Variants in NCOR2 observed in about 807,000 individuals in gnomAD.
The protein encoded by NCOR2 is CTG repeat protein 26.
NCOR2 carries 81 observed loss-of-function variants against 262.9 expected under a neutral mutation model. That is an observed-to-expected ratio of 0.31 (90% CI 0.26 to 0.37). NCOR2 has a LOEUF of 0.37. Among genes scored for constraint, NCOR2 ranks in the 10% least tolerant of loss-of-function variants. The pLI, the probability that NCOR2 is intolerant of heterozygous loss-of-function variation, is 1.00. For missense variants in NCOR2, 3,385 were observed against 3,621.4 expected (o/e 0.93, Z 1.68); for synonymous variants, 1,659 against 1,559.3 (o/e 1.06, Z -1.51).
chr12:124,344,596 C>T lies in NCOR2; in HGVS notation c.4714+1G>A. ...CTCACGCCCATGCACACCCCACTCA[C>T]CCTCCTGCAGGCGCGGCGTGGGCTC... On this transcript the variant is annotated splice_donor_variant, in intron 32 of 46. Coordinates refer to ENST00000405201, the Ensembl canonical transcript of NCOR2. LOFTEE classifies it high-confidence loss of function. 1 of 1,449,562 alleles carries T rather than the reference C, an allele frequency of 6.9e-7. No individual in the cohort carries two copies. 89.8% of individuals were successfully genotyped at this position (1,449,562 alleles called of 1,614,324 possible). A position where few individuals can be genotyped will look rare whatever the true frequency, so the allele number is the denominator to read the frequency against.
At chr12:124,560,602 C>A (rs987017656) in intron 1 of NCOR2, among the ~76,000 whole-genome samples, 1 of 152,156 alleles carries the variant, frequency 6.6e-6, no homozygotes, top group Non-Finnish European at 1.5e-5. Flanking sequence ...GAAAATCAAA[C>A]CTGAATATAT....
At chr12:124,403,177 C>T (rs576437273) in intron 13 of NCOR2, among the ~76,000 whole-genome samples, 1 of 152,242 alleles carries the variant, frequency 6.6e-6, no homozygotes, top group South Asian at 2.1e-4. Flanking sequence ...GTCTGTAAAA[C>T]GGGGAGGTGG....
Position 124,378,094 on chromosome 12 carries a change from C to T in NCOR2, c.2167+143G>A, listed in dbSNP as rs1359385719. On this transcript the variant is annotated intron_variant, in intron 18 of 46. Transcript: ENST00000405201. The surrounding 1 kb of genome is among the most constrained non-coding windows in gnomAD (Gnocchi z 4.2). ...GAGTTTCTGGCAAGTCAGGCCCGCA[C>T]CTTCCAGGGAGTCGAGGCCCCTTCT... is the stretch of plus-strand genomic sequence containing the variant. 3 of 1,485,524 alleles carry T rather than the reference C, an allele frequency of 2.0e-6. No homozygotes were observed. Among genetic ancestry groups the T allele is most frequent in the Non-Finnish European group, 2.7e-6 (3 of 1,118,554 alleles). 92.0% of individuals were successfully genotyped at this position (1,485,524 alleles called of 1,614,324 possible).
rs1219453300 is a variant in NCOR2 at position 124,378,172 on chromosome 12, C to G, written c.2167+65G>C. The stretch of plus-strand genomic sequence containing the variant: ...AGGAGGCTGCCGGGATCAGTTCCCG[C>G]TATGCCCTCCCTCAGAGCTCGGACC... On this transcript the variant is annotated intron_variant, in intron 18 of 46. Transcript: ENST00000405201. This position sits in a 1 kb window ranked among gnomAD's most constrained non-coding sequence, Gnocchi z 4.2. The G allele has an allele frequency of 6.3e-7, 1 of 1,580,704 alleles. No homozygotes were observed. The highest frequency in any genetic ancestry group is 1.7e-5 in the Admixed American group (1 of 57,406).
chr12:124,446,840 G>T (rs1218555991), intron 7 of NCOR2, among the ~76,000 whole-genome samples: 1 of 152,088 alleles, frequency 6.6e-6, no homozygotes, highest in Non-Finnish European at 1.5e-5. Context: ...TACACACAAA[G>T]GTTTTTCTAA....
chr12:124,354,766 T>G (rs2037813832), intron 25 of NCOR2, 71 bp downstream of exon 27: 1 of 1,461,866 alleles, frequency 6.8e-7, no homozygotes, highest in African/African-American at 1.4e-5. Context: ...TACCCCTTCC[T>G]CCCCCGCCCC....
At chr12:124,374,614 C>T (rs1415275808) in intron 18 of NCOR2, 151 bp from the exon 21 acceptor site, 2 of 766,932 alleles carry the variant, frequency 2.6e-6, no homozygotes, top group East Asian at 2.7e-5. Context: ...CTGCCCTTCT[C>T]CATGGACCGA....
intron 1 of NCOR2, among the ~76,000 whole-genome samples, chr12:124,500,627 C>A (rs2136943472): frequency 6.6e-6 from 1 of 152,334 alleles, no homozygotes; most frequent in Admixed American, 6.5e-5. Context: ...GAAACCACCA[C>A]ACCTGTGTCC....
chr12:124,562,271 C>T (rs561426940), intron 1 of NCOR2: 3 of 152,204 alleles, frequency 2.0e-5, no homozygotes, highest in Non-Finnish European at 2.9e-5. Flanking sequence ...GTGGCTAAAG[C>T]ACGGGACAGC....
chr12:124,430,835 C>A (rs1215548798), intron 8 of NCOR2, 48 bp from the exon 11 acceptor site: 2 of 1,546,244 alleles, frequency 1.3e-6, no homozygotes, highest in Non-Finnish European at 8.7e-7. Flanking sequence ...GCACCTGGCA[C>A]CCGCCGCCTC....
intron 22 of NCOR2, among the ~76,000 whole-genome samples, chr12:124,361,549 C>T (rs1323496042): frequency 2.0e-5 from 3 of 152,234 alleles, no homozygotes; most frequent in Admixed American, 1.3e-4. Flanking sequence ...TGTGACACAG[C>T]GGCTCGGGAG....
rs536870379 is a variant in NCOR2, at chr12:124,367,646, T to A, written c.2808-3847A>T. On this transcript the variant is annotated intron_variant, in intron 20 of 46. Coordinates refer to ENST00000405201, the Ensembl canonical transcript of NCOR2. ...TTTTATTTTATTTATTTATTTATTTTTTTGGAGACAGAGTCTTGCTCTGTT... is the reference window on the plus strand; with the variant it reads ...TTTTATTTTATTTATTTATTTATTTATTTGGAGACAGAGTCTTGCTCTGTT... Among the ~76,000 whole-genome samples, 120 of 152,276 alleles carry A rather than the reference T, an allele frequency of 7.9e-4. 1 individual carries two copies. The highest frequency in any genetic ancestry group is 3.4e-3 in the Middle Eastern group (1 of 294).
chr12:124,444,439 C>T (rs1372377450), intron 7 of NCOR2, among the ~76,000 whole-genome samples: 5 of 152,094 alleles, frequency 3.3e-5, no homozygotes, highest in Non-Finnish European at 5.9e-5. Flanking sequence ...CAGGGGAGTC[C>T]GGTTGGACCC....
chr12:124,472,235 A>G (rs1357710276), intron 4 of NCOR2, among the ~76,000 whole-genome samples: 1 of 152,194 alleles, frequency 6.6e-6, no homozygotes, highest in Non-Finnish European at 1.5e-5. Context: ...TTGTATATTA[A>G]CTCATATTTA....
At chr12:124,416,434 G>C (rs1484748100) in intron 13 of NCOR2, among the ~76,000 whole-genome samples, 1 of 152,168 alleles carries the variant, frequency 6.6e-6, no homozygotes, top group Non-Finnish European at 1.5e-5. Flanking sequence ...TCCGCCTGTG[G>C]GGCTGCTCCT....
intron 3 of NCOR2, among the ~76,000 whole-genome samples, chr12:124,473,452 G>A (rs888330311): frequency 1.3e-4 from 20 of 152,224 alleles, no homozygotes; most frequent in African/African-American, 2.9e-4. Flanking sequence ...TCCTGCCCTC[G>A]AACATCACAC....
chr12:124,347,840 C>A, exon 30 of NCOR2: 1 of 1,565,778 alleles, frequency 6.4e-7, no homozygotes, highest in Non-Finnish European at 8.7e-7. Context: ...GTGATGGACC[C>A]GCGGATGTGG....
intron 9 of NCOR2, 116 bp downstream of exon 11, chr12:124,430,499 G>C (rs1331422480): frequency 7.6e-7 from 1 of 1,311,338 alleles, no homozygotes; most frequent in East Asian, 2.4e-5. Flanking sequence ...CCTGGCCACT[G>C]GCCTGAGAAG....
chr12:124,509,955 G>C (rs1331129244), intron 1 of NCOR2, among the ~76,000 whole-genome samples: 1 of 152,048 alleles, frequency 6.6e-6, no homozygotes, highest in African/African-American at 2.4e-5. Context: ...TCTGCTAGCC[G>C]CACCGCAGAA....
Sources: allele counts gnomAD v4.1 joint callset (sites outside exome capture counted in the v4.1 genomes callset), GRCh38; gene constraint gnomAD v4.1.1; non-coding constraint Gnocchi (gnomAD v3.1); transcripts MANE v1.5; gene names NCBI Gene and HGNC (gene_info 2026-07-23, HGNC 2026-07-21).